Variants in TP53BP1 observed in about 807,000 individuals in gnomAD.
TP53BP1 encodes the protein TP53-binding protein 1.
Under a neutral mutation model 200.8 loss-of-function variants are expected in TP53BP1, and 61 were observed. That is an observed-to-expected ratio of 0.30 (90% CI 0.25 to 0.38). The LOEUF (loss-of-function observed/expected upper bound fraction) is 0.38, where lower values mean the gene tolerates loss of function less well. Among genes scored for constraint, TP53BP1 ranks in the 10% least tolerant of loss-of-function variants. The pLI is 1.00. For synonymous variants in TP53BP1, 822 were observed against 844.3 expected, an observed-to-expected ratio of 0.97 and a Z score of 0.46; for missense variants, 2,144 against 2,371.9, an observed-to-expected ratio of 0.90 and a Z score of 2.00.
chr15:43,490,024 T>C (rs1330937611), intron 4 of TP53BP1, among the ~76,000 whole-genome samples: 1 of 152,138 alleles, frequency 6.6e-6, no homozygotes, highest in Non-Finnish European at 1.5e-5. Flanking sequence ...GTGATCCTTC[T>C]ATCTCAGTCT....
chr15:43,479,461 G>A lies in TP53BP1; in HGVS notation c.724C>T (p.Pro242Ser). 1 of 1,613,796 alleles carries A rather than the reference G, an allele frequency of 6.2e-7. No homozygotes were observed. Among genetic ancestry groups the A allele is most frequent in the Non-Finnish European group, 8.5e-7 (1 of 1,179,894 alleles). The change falls in exon 7 of 28, where the codon CCT becomes TCT. Residue 242 changes from proline (P) to serine (S), a missense_variant. Physicochemically the swap from Pro to Ser is moderately conservative, Grantham distance 74. This residue lies in a region of TP53BP1 where 1,700 missense variants were observed against 1,710.3 expected (regional missense o/e 0.99). Transcript: ENST00000382044. ...TCCTTACTGGGCTGTGCTGTCACAGGGATGTCCTTGCTGGACTGTTCTGCT... is the reference window on the plus strand; with the variant it reads ...TCCTTACTGGGCTGTGCTGTCACAGAGATGTCCTTGCTGGACTGTTCTGCT... ...PIAEQSSKDI[P>S]VTAQPSKDVH...
At chr15:43,412,512 C>G (rs1303488318) in intron 24 of TP53BP1, among the ~76,000 whole-genome samples, 2 of 152,158 alleles carry the variant, frequency 1.3e-5, no homozygotes, top group Non-Finnish European at 2.9e-5. Flanking sequence ...CCTTCAAAAA[C>G]TAACAGACAA....
intron 16 of TP53BP1, 75 bp downstream of exon 16, chr15:43,438,249 T>C (rs1226030282): frequency 3.8e-6 from 5 of 1,307,150 alleles, no homozygotes; most frequent in Middle Eastern, 3.7e-4. Flanking sequence ...CACAGCACAG[T>C]ACATATTAGG....
chr15:43,412,602 C>G (rs2045148638), intron 24 of TP53BP1: 2 of 457,396 alleles, frequency 4.4e-6, no homozygotes, highest in South Asian at 3.2e-5. Context: ...GAAGCTGTTT[C>G]TTTGCAATCA....
chr15:43,441,586 G>A lies in TP53BP1; in HGVS notation c.3041-3C>T. The A allele has an allele frequency of 2.5e-6, 4 of 1,609,214 alleles. No individual in the cohort carries two copies. Among genetic ancestry groups the A allele is most frequent in the Non-Finnish European group, 3.4e-6 (4 of 1,175,930 alleles). Reference sequence around the variant, plus strand: ...TTTTCTTTCACCAGTTGCAGGCTCTGAATAAAAACAAAACCAAGGAGAGAA... The same window carrying A: ...TTTTCTTTCACCAGTTGCAGGCTCTAAATAAAAACAAAACCAAGGAGAGAA... On this transcript the variant is annotated splice_region_variant and splice_polypyrimidine_tract_variant and intron_variant, in intron 14 of 27. Coordinates refer to ENST00000382044, the MANE Select transcript of TP53BP1 (RefSeq NM_001141980.3).
Position 43,403,219 on chromosome 15 carries a change from G to C in TP53BP1, c.*4164C>G, listed in dbSNP as rs1203269586. On this transcript the variant is annotated 3_prime_UTR_variant, in exon 28 of 28. Coordinates refer to ENST00000382044, the MANE Select transcript of TP53BP1 (RefSeq NM_001141980.3). The stretch of plus-strand genomic sequence containing the variant: ...ATACAAAAATCAGTAACAACACAGA[G>C]GCCTGAACAATTGCCAAGTGGACAA... The C allele has an allele frequency of 6.5e-6, 1 of 153,344 alleles. No homozygotes were observed. The highest frequency in any genetic ancestry group is 1.9e-4 in the East Asian group (1 of 5,238). 9.5% of individuals were successfully genotyped at this position (153,344 alleles called of 1,614,324 possible). A position where few individuals can be genotyped will look rare whatever the true frequency, so the allele number is the denominator to read the frequency against.
intron 14 of TP53BP1, among the ~76,000 whole-genome samples, chr15:43,444,589 G>T (rs1436520132): frequency 6.6e-6 from 1 of 152,270 alleles, no homozygotes; most frequent in South Asian, 2.1e-4. Flanking sequence ...TTTAGGGAAG[G>T]CGCTCAACCT....
rs1333471277 is a variant in TP53BP1 at position 43,420,730 on chromosome 15, G to A, written c.4256C>T (p.Thr1419Ile). 1.1e-5 allele frequency: 18 copies of A among 1,612,536 alleles called. No homozygotes were observed. Among genetic ancestry groups the A allele is most frequent in the Non-Finnish European group, 1.5e-5 (18 of 1,179,102 alleles). The change falls in exon 21 of 28, where the codon ACA becomes ATA. Residue 1419 changes from threonine to isoleucine, a missense_variant. By Grantham distance (89) the Thr-to-Ile change is moderately conservative (BLOSUM62 -1). Coordinates refer to ENST00000382044, the MANE Select transcript of TP53BP1 (RefSeq NM_001141980.3). ...TATGCCCAAGGGGCCAGGCACAGCT[G>A]TTTCTCTAAAGAGAGATAGGGGATA... ...PPSRTTGTRE[T>I]AVPGPLGIED...
intron 15 of TP53BP1, among the ~76,000 whole-genome samples, chr15:43,439,626 A>G (rs1347470691): frequency 2.0e-5 from 3 of 152,248 alleles, no homozygotes; most frequent in Admixed American, 1.3e-4. Context: ...ATGATTTGTT[A>G]GAGTGAACAC....
intron 1 of TP53BP1, 69 bp downstream of exon 1, chr15:43,492,968 G>A (rs1185780885): frequency 6.5e-7 from 1 of 1,536,220 alleles, no homozygotes; most frequent in Non-Finnish European, 8.8e-7. Context: ...CCTCCGGTCA[G>A]CCATCCCTTC....
intron 4 of TP53BP1, among the ~76,000 whole-genome samples, chr15:43,490,806 C>T (rs745660011): frequency 2.6e-5 from 4 of 152,100 alleles, no homozygotes; most frequent in African/African-American, 4.8e-5. Context: ...TCAATTTTCC[C>T]GTCTATACAA....
Position 43,469,499 on chromosome 15 carries a change from C to CA in TP53BP1, c.1389+358dup, listed in dbSNP as rs539871086. Among the ~76,000 whole-genome samples the CA allele has an allele frequency of 1.2e-4, 19 of 152,028 alleles. No individual in the cohort carries two copies. The East Asian group carries it at 3.1e-3, about 25-fold the overall frequency. On this transcript the variant is annotated intron_variant, in intron 11 of 27. Transcript: ENST00000382044. ...TCGTCAGGACCTCCTGAGGCTGTGTCATAGGCAAAAAAATTTATTAAAAAA... is the reference window on the plus strand; with the variant it reads ...TCGTCAGGACCTCCTGAGGCTGTGTCAATAGGCAAAAAAATTTATTAAAAAA...
At chr15:43,452,898 T>C (rs946218719) in intron 12 of TP53BP1, among the ~76,000 whole-genome samples, 3 of 152,166 alleles carry the variant, frequency 2.0e-5, no homozygotes, top group South Asian at 2.1e-4. Flanking sequence ...TTGCATTTAA[T>C]TTAAAAGTAC....
At chr15:43,415,205 T>C (rs980656535) in intron 23 of TP53BP1, 21 of 222,094 alleles carry the variant, frequency 9.5e-5, no homozygotes, top group South Asian at 5.6e-4. Context: ...TGGCCTTCTT[T>C]TTTTTTTTTT....
chr15:43,424,360 C>A (rs571797966), intron 18 of TP53BP1, among the ~76,000 whole-genome samples: 15 of 152,352 alleles, frequency 9.8e-5, no homozygotes, highest in African/African-American at 3.6e-4. Flanking sequence ...CACCCTCTCT[C>A]ATGCATGAAG....
chr15:43,422,439 T>C (rs527999234), intron 18 of TP53BP1, among the ~76,000 whole-genome samples: 4 of 152,270 alleles, frequency 2.6e-5, no homozygotes, highest in East Asian at 1.9e-4. Context: ...TGGTACTATA[T>C]TGGTAAGAAA....
chr15:43,479,372 A>T, intron 7 of TP53BP1, 25 bp downstream of exon 7: 1 of 1,577,840 alleles, frequency 6.3e-7, no homozygotes, highest in Non-Finnish European at 8.6e-7. Context: ...AAACTCGTAA[A>T]TCCTTTTTAG....
At chr15:43,420,269 CA>C (rs765979855) in intron 21 of TP53BP1, 35 bp downstream of exon 21, 6 of 1,589,910 alleles carry the variant, frequency 3.8e-6, no homozygotes, top group South Asian at 1.1e-5. Context: ...CCCCAAGGCA[CA>C]AAAAAATCTC....
intron 16 of TP53BP1, among the ~76,000 whole-genome samples, chr15:43,433,263 T>C (rs2045711987): frequency 6.6e-6 from 1 of 152,210 alleles, no homozygotes; most frequent in African/African-American, 2.4e-5. Flanking sequence ...CAGAATGAAT[T>C]GGTTTCTCAA....
Sources: allele counts gnomAD v4.1 joint callset (sites outside exome capture counted in the v4.1 genomes callset), GRCh38; gene constraint gnomAD v4.1.1; regional missense constraint gnomAD v4.1.1; transcripts MANE v1.5; gene names NCBI Gene and HGNC (gene_info 2026-07-23, HGNC 2026-07-21).